The following CCDC91 variants were observed in gnomAD, a reference collection of about 807,000 sequenced individuals.
CCDC91 encodes the protein coiled-coil domain-containing protein 91.
CCDC91 carries 48 observed loss-of-function variants against 63.2 expected under a neutral mutation model. That is an observed-to-expected ratio of 0.76 (90% CI 0.60 to 0.97). The LOEUF is 0.97. Among genes scored for constraint, CCDC91 ranks in the 50% least tolerant of loss-of-function variants. The probability of loss-of-function intolerance (pLI) is 0.00; values close to 1 mark genes in which losing one functional copy is unlikely to be tolerated. For missense variants in CCDC91, 500 were observed against 494.6 expected (o/e 1.01, Z -0.10); for synonymous variants, 167 against 165.8 (o/e 1.01, Z -0.06).
chr12:28,449,345 T>C (rs1419125628), intron 8 of CCDC91, among the ~76,000 whole-genome samples: 1 of 152,062 alleles, frequency 6.6e-6, no homozygotes, highest in Non-Finnish European at 1.5e-5. Context: ...TGAGAAAATA[T>C]CTTACTTGCC....
chr12:28,416,498 G>A (rs1217171184), intron 8 of CCDC91, among the ~76,000 whole-genome samples: 2 of 152,132 alleles, frequency 1.3e-5, no homozygotes, highest in Admixed American at 6.6e-5. Flanking sequence ...AAGAGGGGAT[G>A]TATCGGCAAG....
intron 12 of CCDC91, among the ~76,000 whole-genome samples, chr12:28,512,019 A>G (rs2141288583): frequency 6.6e-6 from 1 of 151,968 alleles, no homozygotes; most frequent in East Asian, 2.0e-4. Context: ...ATATGACTAG[A>G]TGGATTTTGG....
intron 12 of CCDC91, among the ~76,000 whole-genome samples, chr12:28,539,082 C>T (rs1942425915): frequency 6.6e-6 from 1 of 152,116 alleles, no homozygotes; most frequent in African/African-American, 2.4e-5. Flanking sequence ...ATGGTAGTTT[C>T]TTTTGCTGTG....
At chr12:28,461,475 C>CT (rs1480741581) in intron 11 of CCDC91, among the ~76,000 whole-genome samples, 2 of 151,878 alleles carry the variant, frequency 1.3e-5, no homozygotes, top group Non-Finnish European at 2.9e-5. Context: ...CTAAAAAGTT[C>CT]TTTTTTCTGA....
intron 8 of CCDC91, among the ~76,000 whole-genome samples, chr12:28,393,771 G>C (rs1429634713): frequency 4.6e-5 from 7 of 152,172 alleles, no homozygotes; most frequent in Non-Finnish European, 1.0e-4. Context: ...GTGATTTGAT[G>C]CTTGAGAATT....
In CCDC91 at chr12:28,421,796, G is replaced by A; in HGVS notation, c.763-28365G>A. 1.3e-5 allele frequency among the ~76,000 whole-genome samples: 2 copies of A among 151,962 alleles called. 1 individual carries two copies. Among genetic ancestry groups the A allele is most frequent in the East Asian group, 3.9e-4 (2 of 5,186 alleles). ...CTAGCCCCCACAAGCCTGTGAGCCT[G>A]TTCCATAAAATCAGCCAATCTCCCC... On this transcript the variant is annotated intron_variant, in intron 8 of 12. Coordinates refer to ENST00000536442, the MANE Select transcript of CCDC91 (RefSeq NM_018318.5).
chr12:28,363,721 C>CA (rs1944059536), intron 7 of CCDC91, among the ~76,000 whole-genome samples: 1 of 151,146 alleles, frequency 6.6e-6, no homozygotes, highest in African/African-American at 2.4e-5. Flanking sequence ...ATTAATAATA[C>CA]AAAAAATTAG....
chr12:28,519,294 G>GT (rs1555120536), intron 12 of CCDC91, among the ~76,000 whole-genome samples: 1 of 150,934 alleles, frequency 6.6e-6, no homozygotes, highest in Non-Finnish European at 1.5e-5. Context: ...TAAGTTGTTT[G>GT]TTTGTTTTGT....
chr12:28,440,513 G>A (rs1311460484), intron 8 of CCDC91, among the ~76,000 whole-genome samples: 1 of 152,094 alleles, frequency 6.6e-6, no homozygotes, highest in Non-Finnish European at 1.5e-5. Flanking sequence ...TCTTGACCTG[G>A]ATGTAGGCAA....
intron 1 of CCDC91, among the ~76,000 whole-genome samples, chr12:28,204,349 A>G (rs939683247): frequency 2.6e-5 from 4 of 152,196 alleles, no homozygotes; most frequent in African/African-American, 9.6e-5. Context: ...AATGATTACT[A>G]GAGATGCTTT....
At chr12:28,497,424 G>T (rs538325967) in intron 12 of CCDC91, among the ~76,000 whole-genome samples, 1 of 151,500 alleles carries the variant, frequency 6.6e-6, no homozygotes, top group African/African-American at 2.4e-5. Context: ...AGGTTTTTTG[G>T]TATCTGTTTT....
chr12:28,300,150 T>C (rs1207904740), intron 3 of CCDC91, among the ~76,000 whole-genome samples: 2 of 151,572 alleles, frequency 1.3e-5, no homozygotes, highest in African/African-American at 4.8e-5. Context: ...ATGTCTAAGG[T>C]AAAGAAGAAC....
intron 3 of CCDC91, among the ~76,000 whole-genome samples, chr12:28,281,116 C>T (rs1948586227): frequency 1.3e-5 from 2 of 152,024 alleles, no homozygotes; most frequent in African/African-American, 4.8e-5. Context: ...TGATATTTGG[C>T]AGTAGTCTAT....
intron 12 of CCDC91, among the ~76,000 whole-genome samples, chr12:28,491,055 C>T (rs1424052903): frequency 1.3e-5 from 2 of 151,492 alleles, no homozygotes; most frequent in Non-Finnish European, 2.9e-5. Flanking sequence ...TATGTATGTA[C>T]ACATAAAAAC....
At chr12:28,544,316 C>A (rs1197597301) in intron 12 of CCDC91, among the ~76,000 whole-genome samples, 1 of 151,738 alleles carries the variant, frequency 6.6e-6, no homozygotes, top group Non-Finnish European at 1.5e-5. Context: ...TTGAGAATTT[C>A]TTTCCCCATG....
chr12:28,283,636 C>T (rs189013277), intron 3 of CCDC91, among the ~76,000 whole-genome samples: 20 of 151,946 alleles, frequency 1.3e-4, no homozygotes, highest in Non-Finnish European at 2.6e-4. Flanking sequence ...AAGAGTTTTT[C>T]GGATTTTGGA....
intron 1 of CCDC91, among the ~76,000 whole-genome samples, chr12:28,235,308 T>C (rs1592064012): frequency 1.3e-5 from 2 of 152,298 alleles, no homozygotes; most frequent in East Asian, 3.9e-4. Flanking sequence ...CCTTTTAAAA[T>C]CTGCCAAAGG....
intron 6 of CCDC91, among the ~76,000 whole-genome samples, chr12:28,318,938 A>G (rs1404704126): frequency 6.6e-6 from 1 of 151,988 alleles, no homozygotes; most frequent in East Asian, 1.9e-4. Flanking sequence ...AAGATGACAT[A>G]GATGTTTAAG....
At position 28,333,363 on chromosome 12, in the gene CCDC91, C is replaced by G. The variant is rs1227670471; in HGVS notation, c.576+25614C>G. ...TTAGCCGAGATTGCGCCATTGCACT[C>G]CAGCCTGGGTGACAGAGCAAGACTC... On this transcript the variant is annotated intron_variant, in intron 6 of 12. Transcript: ENST00000536442. 9.4e-5 allele frequency among the ~76,000 whole-genome samples: 14 copies of G among 149,054 alleles called. No homozygotes were observed. In the Admixed American group the frequency reaches 9.4e-4, roughly 10 times the overall value.
Sources: allele counts gnomAD v4.1 joint callset (sites outside exome capture counted in the v4.1 genomes callset), GRCh38; gene constraint gnomAD v4.1.1; transcripts MANE v1.5; gene names NCBI Gene and HGNC (gene_info 2026-07-23, HGNC 2026-07-21).